CD164: variants seen among roughly 807,000 people sequenced by gnomAD.
CD164 encodes sialomucin core protein 24.
In CD164, 11 loss-of-function variants were observed where a neutral mutation model predicts 24.6. The ratio of observed to expected loss-of-function variants is 0.45; its 90% CI spans 0.28 to 0.74. CD164 has a LOEUF of 0.74. Among genes scored for constraint, CD164 ranks in the 30% least tolerant of loss-of-function variants. CD164 has a pLI of 0.13. For synonymous variants in CD164, 126 were observed against 100.3 expected (o/e 1.26, Z -1.53); for missense variants, 295 against 243.7 (o/e 1.21, Z -1.40).
intron 4 of CD164, among the ~76,000 whole-genome samples, chr6:109,374,038 C>A (rs1175663536): frequency 1.3e-5 from 2 of 152,208 alleles, no homozygotes; most frequent in African/African-American, 4.8e-5. Context: ...CGCCCACAAC[C>A]ACATACTGTT....
intron 1 of CD164, chr6:109,380,171 G>A (rs1011273010): frequency 1.7e-4 from 26 of 152,292 alleles, no homozygotes; most frequent in African/African-American, 6.3e-4. Flanking sequence ...AGGGATTCTC[G>A]ATTCATAAAT....
intron 2 of CD164, among the ~76,000 whole-genome samples, chr6:109,378,971 T>C (rs1771580658): frequency 6.6e-6 from 1 of 152,156 alleles, no homozygotes; most frequent in Admixed American, 6.5e-5. Flanking sequence ...AAATAATGTA[T>C]GCAGTAATAT....
In CD164 at chr6:109,368,830, T is replaced by G. The variant is rs762996472; in HGVS notation, c.*21A>C. On this transcript the variant is annotated 3_prime_UTR_variant, in exon 6 of 6. Coordinates refer to ENST00000310786, the MANE Select transcript of CD164 (RefSeq NM_006016.6). ...AGTTACACAAATGAATCACCAGTCC[T>G]TATTAATTCAATGGGTCTGTTTACA... 28 of 1,600,282 alleles carry G rather than the reference T, an allele frequency of 1.7e-5. No individual in the cohort carries two copies. In the South Asian group the frequency reaches 3.0e-4, roughly 17 times the overall value.
chr6:109,381,829 C>CGCG, intron 1 of CD164: 1 of 543,356 alleles, frequency 1.8e-6, no homozygotes, highest in Admixed American at 3.4e-5. Context: ...ACCTCAGAGG[C>CGCG]GCGACGCCCG....
In CD164 at chr6:109,374,880, C is replaced by T. The variant is rs537823541; in HGVS notation, c.370+1194G>A. Among the ~76,000 whole-genome samples the T allele has an allele frequency of 1.3e-3, 198 of 152,310 alleles. 2 individuals carry two copies. Among genetic ancestry groups the T allele is most frequent in the African/African-American group, 4.4e-3 (184 of 41,546 alleles). ...CACCACATCTGCATCCCACCCAATACACATTCCTTCTTACAAATTTCCCAA... is the reference window on the plus strand; with the variant it reads ...CACCACATCTGCATCCCACCCAATATACATTCCTTCTTACAAATTTCCCAA... On this transcript the variant is annotated intron_variant, in intron 4 of 5. Transcript: ENST00000310786.
intron 1 of CD164, chr6:109,380,394 A>G (rs1259515653): frequency 6.6e-6 from 1 of 152,236 alleles, no homozygotes; most frequent in Non-Finnish European, 1.5e-5. Context: ...CAGCAAAATA[A>G]AAGAAAAAAA....
At position 109,382,362 on chromosome 6, in the gene CD164, C is replaced by G; in HGVS notation, c.17G>C (p.Arg6Pro). The change falls in exon 1 of 6, where the codon CGC becomes CCC. Residue 6 changes from arginine to proline, a missense_variant. Coordinates refer to ENST00000310786, the MANE Select transcript of CD164 (RefSeq NM_006016.6). ...GCAGGTGGCGGCCCAAAGCAGTGAG[C>G]GGGAGAGCCGCGACATCGTGTCCTC... MSRLS[R>P]SLLWAATCLG... The G allele has an allele frequency of 6.5e-7, 1 of 1,548,166 alleles. No homozygotes were observed. The highest frequency in any genetic ancestry group is 8.7e-7 in the Non-Finnish European group (1 of 1,152,776).
At chr6:109,378,134 C>G (rs550279584) in intron 2 of CD164, among the ~76,000 whole-genome samples, 163 bp from the exon 3 acceptor site, 1 of 152,282 alleles carries the variant, frequency 6.6e-6, no homozygotes, top group South Asian at 2.1e-4. Flanking sequence ...ACAGACCAAA[C>G]CCTGTCATTC....
chr6:109,372,905 G>A (rs1270844832), intron 4 of CD164: 1 of 151,976 alleles, frequency 6.6e-6, no homozygotes, highest in Admixed American at 6.6e-5. Context: ...TTTTTAATAA[G>A]TAGGCAAAAT....
chr6:109,369,780 GA>G (rs971223735), intron 5 of CD164, among the ~76,000 whole-genome samples: 2 of 152,076 alleles, frequency 1.3e-5, no homozygotes, highest in African/African-American at 4.8e-5. Context: ...TAAGCATGAA[GA>G]AAAAGAAATC....
intron 1 of CD164, chr6:109,381,630 T>C: frequency 1.4e-6 from 1 of 701,256 alleles, no homozygotes; most frequent in East Asian, 2.7e-5. Context: ...AGCTACATTC[T>C]ATTCCTATCT....
rs1028919181 is a variant in CD164, at chr6:109,382,240, C to A, written c.139G>T (p.Val47Leu). 8.8e-6 allele frequency: 14 copies of A among 1,583,900 alleles called. No homozygotes were observed. Among genetic ancestry groups the A allele is most frequent in the Non-Finnish European group, 1.1e-5 (13 of 1,168,700 alleles). ...APISNVTSAP[V>L]TSLPLVTTPA... ...GTGGTGACCAGCGGGAGGGACGTCA[C>A]CGGCGCCGAGGTTACGTTGGAGATG... The change falls in exon 1 of 6, where the codon GTG becomes TTG. Residue 47 changes from valine to leucine, a missense_variant. Coordinates refer to ENST00000310786, the MANE Select transcript of CD164 (RefSeq NM_006016.6).
intron 2 of CD164, 85 bp downstream of exon 2, chr6:109,379,494 G>A (rs1261300373): frequency 2.0e-6 from 2 of 994,948 alleles, no homozygotes; most frequent in Non-Finnish European, 3.1e-6. Context: ...TATCCTAAAT[G>A]TCCTACATAA....
At chr6:109,381,606 C>A (rs1771752760) in intron 1 of CD164, 1 of 702,424 alleles carries the variant, frequency 1.4e-6, no homozygotes, top group South Asian at 1.5e-5. Context: ...TCACTAACTA[C>A]GTGCTCAAAC....
chr6:109,375,945 C>T (rs1178486549), intron 4 of CD164, 129 bp downstream of exon 4: 3 of 699,896 alleles, frequency 4.3e-6, no homozygotes, highest in Non-Finnish European at 7.0e-6. Flanking sequence ...TGCTGTGGTC[C>T]AAGACTTTTA....
chr6:109,379,540 G>T, intron 2 of CD164, 39 bp downstream of exon 2: 2 of 1,364,082 alleles, frequency 1.5e-6, no homozygotes, highest in Non-Finnish European at 2.1e-6. Context: ...ATTTTAAAAT[G>T]CTATAACAAA....
chr6:109,374,624 T>C (rs748307920), intron 4 of CD164, among the ~76,000 whole-genome samples: 4 of 152,214 alleles, frequency 2.6e-5, no homozygotes, highest in Non-Finnish European at 5.9e-5. Flanking sequence ...CTTTAAAATC[T>C]TTCAGGATAA....
rs1451971567 is a variant in CD164 at position 109,368,223 on chromosome 6, A to T, written c.*628T>A. On this transcript the variant is annotated 3_prime_UTR_variant, in exon 6 of 6. Coordinates refer to ENST00000310786, the MANE Select transcript of CD164 (RefSeq NM_006016.6). ...CACTGTTCTTTATATTCTCAATGAC[A>T]TAAGATGCTTTACAAGTATGAACAA... is the stretch of plus-strand genomic sequence containing the variant. 6.9e-7 allele frequency: 1 copy of T among 1,455,564 alleles called. No individual in the cohort carries two copies. Among genetic ancestry groups the T allele is most frequent in the Non-Finnish European group, 9.3e-7 (1 of 1,078,446 alleles). The allele number at this position is 1,455,564 out of a possible 1,614,324, so 90.2% of individuals were successfully genotyped here. A position where few individuals can be genotyped will look rare whatever the true frequency, so the allele number is the denominator to read the frequency against.
chr6:109,374,029 G>A (rs553224857), intron 4 of CD164, among the ~76,000 whole-genome samples: 48 of 152,108 alleles, frequency 3.2e-4, no homozygotes, highest in Admixed American at 2.5e-3. Context: ...GAAAAACTAC[G>A]CCCACAACCA....
Sources: allele counts gnomAD v4.1 joint callset (sites outside exome capture counted in the v4.1 genomes callset), GRCh38; gene constraint gnomAD v4.1.1; transcripts MANE v1.5; gene names NCBI Gene and HGNC (gene_info 2026-07-23, HGNC 2026-07-21).